Variants in BRF1 observed in about 807,000 individuals in gnomAD.
BRF1 encodes BRF1 general transcription factor IIIB subunit.
BRF1 carries 59 observed loss-of-function variants against 81.7 expected under a neutral mutation model. That is an observed-to-expected ratio of 0.72 (90% CI 0.59 to 0.90). The LOEUF (loss-of-function observed/expected upper bound fraction) is 0.90. BRF1 is among the 40% of genes least tolerant of loss of function. BRF1 has a pLI of 0.00. For synonymous variants in BRF1, 491 were observed against 395.6 expected (o/e 1.24, Z -2.86); for missense variants, 1,050 against 936.3 (o/e 1.12, Z -1.58).
chr14:105,308,101 T>G (rs1480129742), intron 1 of BRF1, among the ~76,000 whole-genome samples: 1 of 152,098 alleles, frequency 6.6e-6, no homozygotes, highest in Non-Finnish European at 1.5e-5. Context: ...GAGAATCGCT[T>G]GAACCCAGGT....
At chr14:105,265,817 T>A (rs1324847115) in intron 3 of BRF1, among the ~76,000 whole-genome samples, 1 of 144,678 alleles carries the variant, frequency 6.9e-6, no homozygotes, top group African/African-American at 2.6e-5. Context: ...GGGAGAATGG[T>A]GTGAACCCGC....
chr14:105,284,513 T>C lies in BRF1; in HGVS notation c.265+1783A>G, dbSNP rs1367285559. ...GGAGAAAACAGCCAGGGTGACGTGC[T>C]GTCCACAAGAGATGTTCTACCTGTC... On this transcript the variant is annotated intron_variant, in intron 2 of 17. Coordinates refer to ENST00000547530, the MANE Select transcript of BRF1 (RefSeq NM_001519.4). The surrounding 1 kb of genome is among the most constrained non-coding windows in gnomAD (Gnocchi z 4.0). Among the ~76,000 whole-genome samples the C allele has an allele frequency of 1.3e-5, 2 of 152,144 alleles. No individual in the cohort carries two copies. Among genetic ancestry groups the C allele is most frequent in the African/African-American group, 2.4e-5 (1 of 41,426 alleles).
In BRF1 at chr14:105,286,279, T is replaced by C; in HGVS notation, c.265+17A>G. ...GGGACCCGCCGCACGCTCAGCAGCA[T>C]CCGCGGTGGGAAATACCATTCTGCA... On this transcript the variant is annotated intron_variant, in intron 2 of 17. Transcript: ENST00000547530. 1 of 1,609,104 alleles carries C rather than the reference T, an allele frequency of 6.2e-7. No individual in the cohort carries two copies. The highest frequency in any genetic ancestry group is 8.5e-7 in the Non-Finnish European group (1 of 1,177,828).
chr14:105,297,148 A>C (rs1386606814), intron 1 of BRF1, among the ~76,000 whole-genome samples: 1 of 152,026 alleles, frequency 6.6e-6, no homozygotes, highest in African/African-American at 2.4e-5. Flanking sequence ...ACAGAGCGAG[A>C]CTCCATCTCA....
rs1193173604 is a variant in BRF1, at chr14:105,284,459, C to G, written c.265+1837G>C. ...GCAGCCAGGAGCAGAGGCAGGTGCT[C>G]AAGAGCCCGGCCTCCTGGAGATGGC... On this transcript the variant is annotated intron_variant, in intron 2 of 17. Coordinates refer to ENST00000547530, the MANE Select transcript of BRF1 (RefSeq NM_001519.4). This position sits in a 1 kb window ranked among gnomAD's most constrained non-coding sequence, Gnocchi z 4.0. 2.0e-5 allele frequency among the ~76,000 whole-genome samples: 3 copies of G among 152,140 alleles called. No homozygotes were observed. The highest frequency in any genetic ancestry group is 4.4e-5 in the Non-Finnish European group (3 of 68,002).
At chr14:105,280,998 G>C (rs200792708) in intron 2 of BRF1, among the ~76,000 whole-genome samples, 6 of 117,614 alleles carry the variant, frequency 5.1e-5, no homozygotes, top group South Asian at 2.9e-4. Flanking sequence ...GAGCCCGGGT[G>C]TGTGGATACA....
At chr14:105,212,211 C>A (rs750441546) in intron 15 of BRF1, 47 bp from the exon 16 acceptor site, 42 of 1,587,138 alleles carry the variant, frequency 2.6e-5, no homozygotes, top group Non-Finnish European at 3.4e-5. Flanking sequence ...GGCTCCCGAA[C>A]GCCTGCCCAC....
At position 105,315,178 on chromosome 14, in the gene BRF1, C is replaced by G. The variant is rs2058519612; in HGVS notation, c.-162+144G>C. ...CCCGCGCCCCCGCCCGCCGGTTCGA[C>G]GCGTGCAGCCGCCGCCCCCCCGCAG... On this transcript the variant is annotated intron_variant, in intron 1 of 17. Coordinates refer to the BRF1 transcript ENST00000327359. The surrounding 1 kb of genome is among the most constrained non-coding windows in gnomAD (Gnocchi z 4.4). The G allele has an allele frequency of 1.2e-5, 4 of 340,858 alleles. No individual in the cohort carries two copies. The South Asian group carries it at 3.4e-4, about 29-fold the overall frequency. 21.1% of individuals were successfully genotyped at this position (340,858 alleles called of 1,614,324 possible).
At chr14:105,250,432 G>A in intron 5 of BRF1, 1 of 1,614,016 alleles carries the variant, frequency 6.2e-7, no homozygotes, top group African/African-American at 1.3e-5. Flanking sequence ...CCAAGTTCAT[G>A]TCAGACGGAT....
At chr14:105,287,418 CG>C (rs1438987741) in intron 1 of BRF1, among the ~76,000 whole-genome samples, 1 of 152,202 alleles carries the variant, frequency 6.6e-6, no homozygotes, top group Non-Finnish European at 1.5e-5. Context: ...AAGTGCCCCC[CG>C]CCCCGCAGCG....
At chr14:105,223,544 AG>A (rs1892630202) in intron 10 of BRF1, among the ~76,000 whole-genome samples, 1 of 151,424 alleles carries the variant, frequency 6.6e-6, no homozygotes, top group African/African-American at 2.4e-5. Flanking sequence ...AAAAAGCCGA[AG>A]GGAAAAACAT....
intron 2 of BRF1, among the ~76,000 whole-genome samples, chr14:105,280,209 A>G (rs1252897625): frequency 1.3e-5 from 2 of 152,262 alleles, no homozygotes; most frequent in Non-Finnish European, 2.9e-5. Flanking sequence ...ACTCACCACT[A>G]AAGAGAAAGA....
At chr14:105,256,391 G>A in intron 4 of BRF1, 127 bp downstream of exon 4, 1 of 1,606,076 alleles carries the variant, frequency 6.2e-7, no homozygotes, top group Non-Finnish European at 8.5e-7. Flanking sequence ...TTCCTGACTG[G>A]GCAGGCAGCA....
chr14:105,221,196 G>C (rs1892224891), intron 11 of BRF1, among the ~76,000 whole-genome samples: 1 of 152,222 alleles, frequency 6.6e-6, no homozygotes, highest in Non-Finnish European at 1.5e-5. Flanking sequence ...AGCCAAATGG[G>C]CAAGGTGAGG....
intron 5 of BRF1, chr14:105,248,538 G>A (rs1276275303): frequency 3.3e-6 from 3 of 922,474 alleles, no homozygotes; most frequent in South Asian, 1.0e-4. Context: ...CTGACGCAGC[G>A]TGACGCACCG....
At chr14:105,222,185 G>A (rs962030980) in intron 10 of BRF1, 2 of 413,770 alleles carry the variant, frequency 4.8e-6, no homozygotes, top group African/African-American at 2.1e-5. Context: ...CCTTGGATAA[G>A]GCAAACATTT....
At chr14:105,249,154 C>T in intron 5 of BRF1, 3 of 1,571,906 alleles carry the variant, frequency 1.9e-6, no homozygotes, top group Non-Finnish European at 2.6e-6. Flanking sequence ...TCTACCTTTG[C>T]AGGAACGCGC....
In BRF1 at chr14:105,252,481, C is replaced by A. The variant is rs200105747; in HGVS notation, c.544+26G>T. The A allele has an allele frequency of 5.6e-6, 9 of 1,611,846 alleles. No homozygotes were observed. The East Asian group carries it at 1.6e-4, about 28-fold the overall frequency. ...GGTCCCTACAGCAGCCTGCCGGACACCCCAGCATCTCACCCAGATGCCTAC... is the reference window on the plus strand; with the variant it reads ...GGTCCCTACAGCAGCCTGCCGGACAACCCAGCATCTCACCCAGATGCCTAC... On this transcript the variant is annotated intron_variant, in intron 5 of 17. Transcript: ENST00000547530.
intron 11 of BRF1, among the ~76,000 whole-genome samples, chr14:105,220,769 G>C (rs981345591): frequency 6.6e-6 from 1 of 152,224 alleles, no homozygotes; most frequent in South Asian, 2.1e-4. Context: ...CCAGCACAGG[G>C]CCAGACTGTC....
Sources: gnomAD v4.1 joint callset for allele counts (sites outside exome capture counted in the v4.1 genomes callset) on GRCh38, gnomAD v4.1.1 for gene constraint, Gnocchi (gnomAD v3.1) non-coding constraint, MANE v1.5 for transcripts, NCBI Gene and HGNC (gene_info 2026-07-23, HGNC 2026-07-21) for gene names.